Variants in CLIC5 observed in about 807,000 individuals in gnomAD.
CLIC5 encodes CLIC family member 5.
In CLIC5, 20 loss-of-function variants were observed where a neutral mutation model predicts 24.7. The ratio of observed to expected loss-of-function variants is 0.81; its 90% confidence interval spans 0.57 to 1.18. The LOEUF (loss-of-function observed/expected upper bound fraction) is 1.18. Among genes scored for constraint, CLIC5 ranks in the 50% most tolerant of loss-of-function variants. The pLI, the probability that CLIC5 is intolerant of heterozygous loss-of-function variation, is 0.00. For synonymous variants in CLIC5, 159 were observed against 135.6 expected, an observed-to-expected ratio of 1.17 and a Z score of -1.20; for missense variants, 341 against 326.1, an observed-to-expected ratio of 1.05 and a Z score of -0.35.
intron 1 of CLIC5, among the ~76,000 whole-genome samples, chr6:46,010,068 A>G (rs1387850458): frequency 6.6e-6 from 1 of 152,162 alleles, no homozygotes; most frequent in Non-Finnish European, 1.5e-5. Context: ...TTGTGTTCTC[A>G]GGGGTCAGCT....
intron 1 of CLIC5, among the ~76,000 whole-genome samples, chr6:45,995,823 G>A (rs1024600513): frequency 1.3e-5 from 2 of 152,134 alleles, no homozygotes; most frequent in Admixed American, 1.3e-4. Flanking sequence ...CGGGGACATG[G>A]AAGCTCAAAG....
At chr6:46,014,474 G>A (rs1421165957) in intron 1 of CLIC5, 14 of 152,132 alleles carry the variant, frequency 9.2e-5, no homozygotes, top group Admixed American at 9.2e-4. Flanking sequence ...CATATTTCTA[G>A]GGAAACTTTG....
intron 5 of CLIC5, among the ~76,000 whole-genome samples, chr6:45,906,789 C>T (rs59653909): frequency 0.035 from 5,255 of 152,078 alleles, 318 homozygotes; most frequent in African/African-American, 0.12. Flanking sequence ...CTCGAACTCC[C>T]GACCTCAGTC....
chr6:45,980,083 G>A (rs1454857639), intron 1 of CLIC5, among the ~76,000 whole-genome samples: 5 of 150,998 alleles, frequency 3.3e-5, no homozygotes, highest in South Asian at 2.1e-4. Context: ...TGTATGTGGT[G>A]AAAGGTAGGG....
At chr6:45,936,332 G>A (rs1763934723) in intron 4 of CLIC5, among the ~76,000 whole-genome samples, 1 of 151,178 alleles carries the variant, frequency 6.6e-6, no homozygotes, top group South Asian at 2.1e-4. Context: ...GGCCTCCTGA[G>A]TAGCTGGGAT....
chr6:46,040,953 T>TA (rs1184019140), intron 1 of CLIC5, among the ~76,000 whole-genome samples: 1 of 152,026 alleles, frequency 6.6e-6, no homozygotes, highest in East Asian at 1.9e-4. Flanking sequence ...GGAACATACA[T>TA]AAAAAAATCC....
upstream of CLIC5, among the ~76,000 whole-genome samples, chr6:46,084,532 A>G (rs1762989628): frequency 1.3e-5 from 2 of 152,138 alleles, no homozygotes; most frequent in African/African-American, 2.4e-5. Flanking sequence ...TTCACTTGTG[A>G]AGCTTAGTTT....
At chr6:46,035,184 G>C (rs565211931) in intron 1 of CLIC5, among the ~76,000 whole-genome samples, 2 of 152,238 alleles carry the variant, frequency 1.3e-5, no homozygotes, top group African/African-American at 4.8e-5. Context: ...AGTATCAATG[G>C]CAAAACCAGG....
intron 3 of CLIC5, among the ~76,000 whole-genome samples, chr6:45,947,836 T>C (rs150868623): frequency 1.3e-5 from 2 of 152,294 alleles, no homozygotes; most frequent in East Asian, 3.9e-4. Flanking sequence ...GTCCTATTGA[T>C]TTAATTAATG....
rs1322309216 is a variant in CLIC5 at position 45,899,796 on chromosome 6, T to C, written c.*3292A>G. On this transcript the variant is annotated 3_prime_UTR_variant, in exon 6 of 6. Coordinates refer to ENST00000339561, the MANE Select transcript of CLIC5 (RefSeq NM_016929.5). ...TTTTCTGATAAGATCAAGACTTCAC[T>C]GGCCCCACCAGCACAAGAAGGGAAT... 1 of 152,206 alleles carries C rather than the reference T, an allele frequency of 6.6e-6. No homozygotes were observed. Among genetic ancestry groups the C allele is most frequent in the Non-Finnish European group, 1.5e-5 (1 of 68,036 alleles). The allele number at this position is 152,206 out of a possible 1,614,324, so 9.4% of individuals were successfully genotyped here.
chr6:46,089,958 A>G, the CLIC5 span, among the ~76,000 whole-genome samples: 1 of 152,148 alleles, frequency 6.6e-6, no homozygotes, highest in African/African-American at 2.4e-5. Flanking sequence ...ATTTTTCGTG[A>G]TTTGCACAGG....
chr6:46,052,424 C>T (rs1004275681), intron 1 of CLIC5, among the ~76,000 whole-genome samples: 2 of 152,168 alleles, frequency 1.3e-5, no homozygotes, highest in Non-Finnish European at 2.9e-5. Context: ...GAAAATAAGA[C>T]AGTGTCACCA....
At chr6:46,094,882 G>T in the CLIC5 span, among the ~76,000 whole-genome samples, 1 of 152,218 alleles carries the variant, frequency 6.6e-6, no homozygotes, top group Admixed American at 6.5e-5. Flanking sequence ...CCCTAATAGA[G>T]GTTCTCCCTG....
In CLIC5 at chr6:45,914,824, G is replaced by A. The variant is rs375754249; in HGVS notation, c.407-415C>T. 3.6e-4 allele frequency among the ~76,000 whole-genome samples: 53 copies of A among 147,380 alleles called. 1 individual carries two copies. The highest frequency in any genetic ancestry group is 1.1e-3 in the African/African-American group (43 of 40,084). On this transcript the variant is annotated intron_variant, in intron 4 of 5. Transcript: ENST00000339561. ...AAATTAGCTGGGCATGGTGGCACGC[G>A]CCTGTAGTCCCAGCTACTCGGGAGG...
At position 45,965,091 on chromosome 6, in the gene CLIC5, G is replaced by A. The variant is rs768148265; in HGVS notation, c.64-9847C>T. On this transcript the variant is annotated intron_variant, in intron 1 of 5. Coordinates refer to ENST00000339561, the MANE Select transcript of CLIC5 (RefSeq NM_016929.5). ...GCACAAAAGTTCAACAGTACCTAGCGTTCAGGGTTTTGTGTATGAAGCAAT... is the reference window on the plus strand; with the variant it reads ...GCACAAAAGTTCAACAGTACCTAGCATTCAGGGTTTTGTGTATGAAGCAAT... Among the ~76,000 whole-genome samples the A allele has an allele frequency of 1.6e-4, 25 of 152,262 alleles. No individual in the cohort carries two copies. In the East Asian group the frequency reaches 1.7e-3, roughly 11 times the overall value.
intron 1 of CLIC5, among the ~76,000 whole-genome samples, chr6:46,071,470 C>A (rs1186678485): frequency 6.6e-6 from 1 of 151,854 alleles, no homozygotes; most frequent in South Asian, 2.1e-4. Flanking sequence ...ATGGGGCCAA[C>A]AACCATATGA....
In CLIC5 at chr6:45,912,298, G is replaced by A. The variant is rs891292822; in HGVS notation, c.588+1930C>T. ...AGGGCTGGCCTTTGTTCTTTCATTG[G>A]CCATCTTCTTTTTGATCTCCAGCTT... On this transcript the variant is annotated intron_variant, in intron 5 of 5. Coordinates refer to ENST00000339561, the MANE Select transcript of CLIC5 (RefSeq NM_016929.5). The A allele has an allele frequency of 7.0e-5, 70 of 1,004,800 alleles. No individual in the cohort carries two copies. The African/African-American group carries it at 1.1e-3, about 16-fold the overall frequency. 62.2% of individuals were successfully genotyped at this position (1,004,800 alleles called of 1,614,324 possible). A position where few individuals can be genotyped will look rare whatever the true frequency, so the allele number is the denominator to read the frequency against.
the CLIC5 span, among the ~76,000 whole-genome samples, chr6:46,124,183 G>T: frequency 7.2e-5 from 11 of 152,072 alleles, no homozygotes; most frequent in Non-Finnish European, 1.2e-4. Flanking sequence ...CTTCAAACTA[G>T]ACTACAAGGC....
chr6:45,966,052 A>G (rs1322589166), intron 1 of CLIC5, among the ~76,000 whole-genome samples: 1 of 152,148 alleles, frequency 6.6e-6, no homozygotes, highest in African/African-American at 2.4e-5. Flanking sequence ...TAGCCTCTTA[A>G]TAGGATAAGC....
Sources: allele counts gnomAD v4.1 joint callset (sites outside exome capture counted in the v4.1 genomes callset), GRCh38; gene constraint gnomAD v4.1.1; transcripts MANE v1.5; gene names NCBI Gene and HGNC (gene_info 2026-07-23, HGNC 2026-07-21).